Variants in TNFRSF10A observed in about 807,000 individuals in gnomAD.
TNFRSF10A encodes tumor necrosis factor receptor superfamily member 10A.
In TNFRSF10A, 44 loss-of-function variants were observed where a neutral mutation model predicts 42.8. That is an observed-to-expected ratio of 1.03 (90% CI 0.81 to 1.32). TNFRSF10A has a LOEUF of 1.32. Ranked by LOEUF, TNFRSF10A falls within the 40% of genes most tolerant of loss-of-function variation. The probability of loss-of-function intolerance (pLI) is 0.00; values close to 1 mark genes in which losing one functional copy is unlikely to be tolerated. For synonymous variants in TNFRSF10A, 259 were observed against 234.2 expected (o/e 1.11, Z -0.97); for missense variants, 680 against 602.0 (o/e 1.13, Z -1.36).
chr8:23,212,048 T>C lies in TNFRSF10A; in HGVS notation c.403+68A>G. 5.1e-6 allele frequency: 7 copies of C among 1,360,076 alleles called. No individual in the cohort carries two copies. In the South Asian group the frequency reaches 8.6e-5, roughly 17 times the overall value. The allele number at this position is 1,360,076 out of a possible 1,614,324, so 84.3% of individuals were successfully genotyped here. ...ATGTTATTGATGAATTTTGAGATAA[T>C]TTTTGTATATAGTATAGGGTAAGGA... On this transcript the variant is annotated intron_variant, in intron 2 of 9. Coordinates refer to ENST00000221132, the MANE Select transcript of TNFRSF10A (RefSeq NM_003844.4).
chr8:23,218,607 AT>A (rs1169566822), intron 1 of TNFRSF10A, among the ~76,000 whole-genome samples: 6 of 152,034 alleles, frequency 3.9e-5, no homozygotes, highest in African/African-American at 1.4e-4. Context: ...CATGTCTATC[AT>A]TCTGGAAATA....
At chr8:23,223,369 G>A (rs1371080157) in intron 1 of TNFRSF10A, among the ~76,000 whole-genome samples, 1 of 152,184 alleles carries the variant, frequency 6.6e-6, no homozygotes, top group Non-Finnish European at 1.5e-5. Context: ...CTGGCCTCAA[G>A]TATTCTTTTA....
In TNFRSF10A at chr8:23,191,978, C is replaced by A; in HGVS notation, c.1123G>T (p.Val375Leu). 6.2e-7 allele frequency: 1 copy of A among 1,614,086 alleles called. No individual in the cohort carries two copies. The highest frequency in any genetic ancestry group is 1.3e-5 in the African/African-American group (1 of 75,036). Residue 375 changes from valine to leucine, a missense_variant, in exon 10 of 10, where the codon GTG becomes TTG. Transcript: ENST00000221132. ...MLFFDKFANI[V>L]PFDSWDQLMR... ...AGCTGGTCCCAGGAGTCAAAGGGCA[C>A]GATGTTTGCAAACTTGTCAAAGAAC... is the stretch of plus-strand genomic sequence containing the variant.
intron 9 of TNFRSF10A, 29 bp from the exon 10 acceptor site, chr8:23,192,042 A>G: frequency 6.3e-7 from 1 of 1,593,836 alleles, no homozygotes; most frequent in Non-Finnish European, 8.5e-7. Context: ...AGAGACAGCC[A>G]GATGAGTTGG....
intron 1 of TNFRSF10A, among the ~76,000 whole-genome samples, chr8:23,218,666 C>A (rs375022266): frequency 9.5e-4 from 145 of 152,194 alleles, no homozygotes; most frequent in African/African-American, 3.4e-3. Context: ...AGTGACCCAG[C>A]GCTGGGTGAA....
chr8:23,204,105 A>C (rs746275669), intron 2 of TNFRSF10A, among the ~76,000 whole-genome samples: 2 of 152,044 alleles, frequency 1.3e-5, no homozygotes, highest in Non-Finnish European at 2.9e-5. Context: ...CTGATGTGTT[A>C]TGATGATGAC....
chr8:23,197,086 C>A, intron 9 of TNFRSF10A, 46 bp downstream of exon 9: 1 of 1,612,796 alleles, frequency 6.2e-7, no homozygotes, highest in Non-Finnish European at 8.5e-7. Flanking sequence ...GGACACCGTC[C>A]CTATTCCCAC....
intron 3 of TNFRSF10A, 127 bp from the exon 4 acceptor site, chr8:23,202,046 G>A: frequency 1.3e-6 from 1 of 765,990 alleles, no homozygotes; most frequent in South Asian, 1.6e-5. Context: ...CTGAGGGCCA[G>A]ATTCTGCACC....
intron 2 of TNFRSF10A, among the ~76,000 whole-genome samples, chr8:23,209,407 A>C (rs1022870027): frequency 5.9e-5 from 9 of 152,200 alleles, no homozygotes; most frequent in African/African-American, 1.9e-4. Flanking sequence ...AGAATGGTAG[A>C]ACTGCTGATA....
At chr8:23,217,452 G>A (rs1411498899) in intron 1 of TNFRSF10A, among the ~76,000 whole-genome samples, 5 of 152,192 alleles carry the variant, frequency 3.3e-5, no homozygotes, top group African/African-American at 1.2e-4. Context: ...CCTTGACCTC[G>A]TGATCTGCCC....
In TNFRSF10A at chr8:23,200,687, C is replaced by A. The variant is rs757991794; in HGVS notation, c.703G>T (p.Gly235Cys). ...SDIECVHKES[G>C]NGHNIWVILV... ...GGGGCTTCCCCAGTGGGCTTTGTACCTGATTCTTTGTGGACACACTCGATG... is the reference window on the plus strand; with the variant it reads ...GGGGCTTCCCCAGTGGGCTTTGTACATGATTCTTTGTGGACACACTCGATG... The change falls in exon 5 of 10, where the codon GGC becomes TGC. Residue 235 changes from glycine to cysteine, a missense_variant and splice_region_variant. Coordinates refer to ENST00000221132, the MANE Select transcript of TNFRSF10A (RefSeq NM_003844.4). 3.0e-5 allele frequency: 48 copies of A among 1,605,334 alleles called. No homozygotes were observed. The highest frequency in any genetic ancestry group is 4.0e-5 in the Non-Finnish European group (47 of 1,174,752).
rs543127037 is a variant in TNFRSF10A, at chr8:23,191,505, G to C, written c.*189C>G. The C allele has an allele frequency of 2.1e-5, 15 of 720,222 alleles. No individual in the cohort carries two copies. The South Asian group carries it at 3.2e-4, about 16-fold the overall frequency. The allele number at this position is 720,222 out of a possible 1,614,324, so 44.6% of individuals were successfully genotyped here. ...TGTAAAGACGGCATTTCACGATGTTGGTCAGGCTGGTCTTGAACTTCTGAC... is the reference window on the plus strand; with the variant it reads ...TGTAAAGACGGCATTTCACGATGTTCGTCAGGCTGGTCTTGAACTTCTGAC... On this transcript the variant is annotated 3_prime_UTR_variant, in exon 10 of 10. Transcript: ENST00000221132.
At chr8:23,209,039 G>T (rs1005942820) in intron 2 of TNFRSF10A, among the ~76,000 whole-genome samples, 22 of 152,124 alleles carry the variant, frequency 1.4e-4, no homozygotes, top group Non-Finnish European at 1.5e-5. Flanking sequence ...TGGAGTCTAG[G>T]GACTTGGTGC....
At chr8:23,207,453 G>A (rs1801031681) in intron 2 of TNFRSF10A, 1 of 441,236 alleles carries the variant, frequency 2.3e-6, no homozygotes, top group South Asian at 1.9e-5. Context: ...CTTTACCACT[G>A]AATGATACCA....
chr8:23,223,282 G>A (rs1211853439), intron 1 of TNFRSF10A, among the ~76,000 whole-genome samples: 1 of 152,038 alleles, frequency 6.6e-6, no homozygotes, highest in African/African-American at 2.4e-5. Flanking sequence ...GGCCAGGATC[G>A]TCTCGATCTC....
rs762441592 is a variant in TNFRSF10A at position 23,192,052 on chromosome 8, G to A, written c.1088-39C>T. 3.2e-6 allele frequency: 5 copies of A among 1,581,834 alleles called. No homozygotes were observed. In the South Asian group the frequency reaches 5.7e-5, roughly 18 times the overall value. On this transcript the variant is annotated intron_variant, in intron 9 of 9. Transcript: ENST00000221132. ...GCCACAGAGACAGCCAGATGAGTTG[G>A]GACTCAGTTCAGAAGGGGCAGAGGA... is the stretch of plus-strand genomic sequence containing the variant.
At chr8:23,202,080 C>T (rs11777928) in intron 3 of TNFRSF10A, among the ~76,000 whole-genome samples, 161 bp from the exon 4 acceptor site, 35,268 of 152,176 alleles carry the variant, frequency 0.23, 5,393 homozygotes, top group Non-Finnish European at 0.33. Flanking sequence ...TCACACAGGA[C>T]ACCCACCCTT....
chr8:23,224,644 G>A, intron 1 of TNFRSF10A, 112 bp downstream of exon 1: 2 of 1,362,320 alleles, frequency 1.5e-6, no homozygotes, highest in Non-Finnish European at 2.0e-6. Flanking sequence ...GCCCGGACAT[G>A]CCCCGCCACA....
chr8:23,197,093 C>T, intron 9 of TNFRSF10A, 39 bp downstream of exon 9: 1 of 1,613,694 alleles, frequency 6.2e-7, no homozygotes. Flanking sequence ...GTCCCTATTC[C>T]CACCATTTCT....
Sources: allele counts gnomAD v4.1 joint callset (sites outside exome capture counted in the v4.1 genomes callset), GRCh38; gene constraint gnomAD v4.1.1; transcripts MANE v1.5; gene names NCBI Gene and HGNC (gene_info 2026-07-23, HGNC 2026-07-21).